Variants in PDCD11 observed in about 807,000 individuals in gnomAD.
PDCD11 encodes programmed cell death 11.
In PDCD11, 97 loss-of-function variants were observed where a neutral mutation model predicts 198.9. The ratio of observed to expected loss-of-function variants is 0.49; its 90% CI spans 0.41 to 0.58. PDCD11 has a LOEUF of 0.58. Among genes scored for constraint, PDCD11 ranks in the 20% least tolerant of loss-of-function variants. The pLI is 0.00. For synonymous variants in PDCD11, 893 were observed against 918.0 expected, an observed-to-expected ratio of 0.97 and a Z score of 0.49; for missense variants, 2,102 against 2,312.7, an observed-to-expected ratio of 0.91 and a Z score of 1.87.
Position 103,409,748 on chromosome 10 carries a change from T to A in PDCD11, c.920T>A (p.Val307Glu), listed in dbSNP as rs1018538118. ...TLNFLTFFTG[V>E]VDFMHLDPKK... ...AACTTCCTCACATTCTTCACGGGCG[T>A]GGTTGACTTTATGCACCTGGATCCC... Residue 307 changes from valine to glutamate, a missense_variant, in exon 8 of 36, where the codon GTG becomes GAG. Transcript: ENST00000369797. The A allele has an allele frequency of 6.2e-7, 1 of 1,614,102 alleles. No individual in the cohort carries two copies. The highest frequency in any genetic ancestry group is 1.3e-5 in the African/African-American group (1 of 75,032).
In PDCD11 at chr10:103,415,200, G is replaced by A. The variant is rs113917229; in HGVS notation, c.1518+49G>A. On this transcript the variant is annotated intron_variant, in intron 12 of 35. Coordinates refer to ENST00000369797, the MANE Select transcript of PDCD11 (RefSeq NM_014976.2). ...GGGGTTTTGGCTAGATGGGAAGAAA[G>A]CAGTTCTCAACTGAAGTTTCTGCCT... The A allele has an allele frequency of 3.3e-3, 5,267 of 1,600,306 alleles. 92 individuals carry two copies. The African/African-American group carries it at 0.051, about 15-fold the overall frequency.
At chr10:103,438,155 T>C in intron 26 of PDCD11, 84 bp downstream of exon 26, 2 of 1,158,090 alleles carry the variant, frequency 1.7e-6, no homozygotes, top group Admixed American at 3.4e-5. Context: ...ACACAGAATT[T>C]TGGGCTTCCC....
At chr10:103,428,662 G>A (rs538719631) in intron 21 of PDCD11, among the ~76,000 whole-genome samples, 37 of 152,068 alleles carry the variant, frequency 2.4e-4, no homozygotes, top group Non-Finnish European at 4.1e-4. Flanking sequence ...AGATATATGG[G>A]GGATGAGTCA....
At chr10:103,442,161 C>T (rs2032411532) in intron 31 of PDCD11, 52 bp from the exon 32 acceptor site, 1 of 1,604,738 alleles carries the variant, frequency 6.2e-7, no homozygotes, top group South Asian at 1.1e-5. Flanking sequence ...CACAGACCTC[C>T]CCTAGGCCTT....
chr10:103,417,923 C>T lies in PDCD11; in HGVS notation c.1902C>T (p.Asn634=), dbSNP rs771659457. The T allele has an allele frequency of 1.9e-6, 3 of 1,614,132 alleles. No individual in the cohort carries two copies. Among genetic ancestry groups the T allele is most frequent in the African/African-American group, 2.7e-5 (2 of 75,040 alleles). ...GTCAGAAGAAAGGAAAAGCCATTAA[C>T]ATTGGGCAGGTACGTGGACTTCTCT... ...GHSQKKGKAI[N]IGQLVDVKVL... is the part of the protein sequence containing the mutation. The change falls in exon 14 of 36, where the codon AAC becomes AAT. Residue 634 remains asparagine (N), a synonymous_variant. Transcript: ENST00000369797.
At chr10:103,426,928 C>T (rs369831005) in intron 20 of PDCD11, among the ~76,000 whole-genome samples, 14 of 129,700 alleles carry the variant, frequency 1.1e-4, no homozygotes, top group African/African-American at 3.3e-4. Context: ...CCCATCTCTA[C>T]AAAAAAAAAA....
chr10:103,420,144 G>A (rs1229698373), intron 16 of PDCD11, among the ~76,000 whole-genome samples: 1 of 151,892 alleles, frequency 6.6e-6, no homozygotes, highest in Admixed American at 6.6e-5. Context: ...ACCTCTTAAG[G>A]TGTGTGTGAC....
In PDCD11 at chr10:103,440,297, C is replaced by T. The variant is rs776501443; in HGVS notation, c.4156C>T (p.His1386Tyr). 1 of 1,612,616 alleles carries T rather than the reference C, an allele frequency of 6.2e-7. No homozygotes were observed. Among genetic ancestry groups the T allele is most frequent in the Non-Finnish European group, 8.5e-7 (1 of 1,179,464 alleles). ...LLTARVLRLN[H>Y]QKNLVELSFL... is the part of the protein sequence containing the mutation. ...CATCTTGCTCTGTCATAGCCTTAAC[C>T]ACCAGAAGAACCTGGTAGAGCTGTC... Residue 1386 changes from histidine to tyrosine, a missense_variant, in exon 29 of 36, where the codon CAC (histidine) becomes TAC (tyrosine). Coordinates refer to ENST00000369797, the MANE Select transcript of PDCD11 (RefSeq NM_014976.2).
At chr10:103,444,946 A>G (rs998656609) in intron 35 of PDCD11, among the ~76,000 whole-genome samples, 1 of 152,290 alleles carries the variant, frequency 6.6e-6, no homozygotes, top group South Asian at 2.1e-4. Context: ...CCTGACTCTC[A>G]TTGTAGACTA....
At chr10:103,436,741 A>T (rs2032170031) in intron 25 of PDCD11, among the ~76,000 whole-genome samples, 1 of 152,190 alleles carries the variant, frequency 6.6e-6, no homozygotes, top group Admixed American at 6.5e-5. Flanking sequence ...TACTTGCCTA[A>T]AGGTAGACGG....
intron 17 of PDCD11, 120 bp from the exon 18 acceptor site, chr10:103,422,868 T>C: frequency 1.0e-6 from 1 of 960,094 alleles, no homozygotes; most frequent in Non-Finnish European, 1.4e-6. Flanking sequence ...AAAGTGATTT[T>C]ACCTTGTCAG....
chr10:103,397,008 C>T (rs2133659564), intron 1 of PDCD11, among the ~76,000 whole-genome samples: 1 of 152,204 alleles, frequency 6.6e-6, no homozygotes, highest in Admixed American at 6.5e-5. Flanking sequence ...AAACTAGACC[C>T]CCCAAACTTT....
chr10:103,429,703 A>G (rs141732536), intron 21 of PDCD11, among the ~76,000 whole-genome samples: 8 of 152,236 alleles, frequency 5.3e-5, no homozygotes, highest in Middle Eastern at 3.4e-3. Context: ...CTGAAACAAC[A>G]TGCATTGTTA....
intron 16 of PDCD11, 43 bp downstream of exon 16, chr10:103,419,751 A>G (rs776861704): frequency 7.0e-6 from 11 of 1,581,844 alleles, no homozygotes; most frequent in Non-Finnish European, 9.5e-6. Context: ...GAGAGATACA[A>G]GGTCACAGAA....
At chr10:103,425,563 ATTG>A (rs938347894) in intron 20 of PDCD11, 38 bp downstream of exon 20, 30 of 1,566,086 alleles carry the variant, frequency 1.9e-5, no homozygotes, top group Admixed American at 6.9e-5. Context: ...TTCGAGGGAG[ATTG>A]TTGTTGTTGT....
At position 103,406,745 on chromosome 10, in the gene PDCD11, T is replaced by C. The variant is rs2030478230; in HGVS notation, c.825T>C (p.Leu275=). Residue 275 remains leucine, a synonymous_variant, in exon 7 of 36, where the codon CTT becomes CTC. Transcript: ENST00000369797. Reference sequence around the variant, plus strand: ...CTACTGAACAGCAGAGCTGGAACCTTAATAACTTGCTACCAGGACTGGTGG... The same window carrying C: ...CTACTGAACAGCAGAGCTGGAACCTCAATAACTTGCTACCAGGACTGGTGG... ...AIATEQQSWN[L]NNLLPGLVVK... 6.2e-7 allele frequency: 1 copy of C among 1,614,158 alleles called. No homozygotes were observed. Among genetic ancestry groups the C allele is most frequent in the Non-Finnish European group, 8.5e-7 (1 of 1,180,010 alleles).
At chr10:103,421,988 A>G (rs1232355673) in intron 17 of PDCD11, among the ~76,000 whole-genome samples, 4 of 148,376 alleles carry the variant, frequency 2.7e-5, no homozygotes, top group South Asian at 2.1e-4. Context: ...AAAAAAAAAA[A>G]AAAAGAAAAA....
intron 21 of PDCD11, 31 bp downstream of exon 21, chr10:103,427,422 G>T (rs986756346): frequency 3.2e-6 from 5 of 1,563,068 alleles, no homozygotes. Context: ...ACTGTCTTAC[G>T]GAAAGAGCAC....
At position 103,445,630 on chromosome 10, in the gene PDCD11, T is replaced by G; in HGVS notation, c.*81T>G. The G allele has an allele frequency of 8.4e-7, 1 of 1,183,940 alleles. No individual in the cohort carries two copies. The highest frequency in any genetic ancestry group is 1.3e-5 in the South Asian group (1 of 74,496). 73.3% of individuals were successfully genotyped at this position (1,183,940 alleles called of 1,614,324 possible). On this transcript the variant is annotated 3_prime_UTR_variant, in exon 36 of 36. Coordinates refer to ENST00000369797, the MANE Select transcript of PDCD11 (RefSeq NM_014976.2). ...GAGTGCCTGGGCACTCGGAAAACTG[T>G]TACCTCAGGACTCTATTTAAATGCT...
Sources: allele counts gnomAD v4.1 joint callset (sites outside exome capture counted in the v4.1 genomes callset), GRCh38; gene constraint gnomAD v4.1.1; transcripts MANE v1.5; gene names NCBI Gene and HGNC (gene_info 2026-07-23, HGNC 2026-07-21).